CEP128: variants seen among roughly 807,000 people sequenced by gnomAD.
CEP128 encodes the protein centrosomal protein 128.
A neutral mutation model predicts 156.7 loss-of-function variants in CEP128; 132 were observed. The ratio of observed to expected loss-of-function variants is 0.84; its 90% CI spans 0.73 to 0.97. The LOEUF is 0.97. CEP128 is among the 50% of genes least tolerant of loss of function. The pLI, the probability that CEP128 is intolerant of heterozygous loss-of-function variation, is 0.00. For synonymous variants in CEP128, 469 were observed against 448.9 expected, an observed-to-expected ratio of 1.04 and a Z score of -0.57; for missense variants, 1,252 against 1,281.9, an observed-to-expected ratio of 0.98 and a Z score of 0.36.
At chr14:80,522,921 G>C (rs1485924274) in intron 23 of CEP128, among the ~76,000 whole-genome samples, 2 of 152,302 alleles carry the variant, frequency 1.3e-5, no homozygotes, top group East Asian at 3.9e-4. Flanking sequence ...AGTTAGCTTG[G>C]TCAACTTAAG....
At chr14:80,638,849 A>T (rs115347571) in intron 19 of CEP128, among the ~76,000 whole-genome samples, 172 of 152,264 alleles carry the variant, frequency 1.1e-3, no homozygotes, top group African/African-American at 4.1e-3. Context: ...TTTGATCAAG[A>T]CTCAGAATTT....
chr14:80,827,680 AAAC>A (rs1255958079), intron 13 of CEP128, among the ~76,000 whole-genome samples: 3 of 152,214 alleles, frequency 2.0e-5, no homozygotes, highest in Non-Finnish European at 4.4e-5. Context: ...AATTATGAAC[AAAC>A]AACCCTTAAG....
At chr14:80,694,933 A>C (rs1423595022) in intron 19 of CEP128, among the ~76,000 whole-genome samples, 1 of 151,582 alleles carries the variant, frequency 6.6e-6, no homozygotes, top group Non-Finnish European at 1.5e-5. Context: ...AAAAAAAAAA[A>C]CTTGTTTTCC....
intron 19 of CEP128, among the ~76,000 whole-genome samples, chr14:80,709,155 T>C (rs1233986755): frequency 6.6e-6 from 1 of 151,628 alleles, no homozygotes; most frequent in Non-Finnish European, 1.5e-5. Flanking sequence ...TGTTTTTTTT[T>C]TGAGACGGAG....
At chr14:80,779,317 CTTTAT>C (rs1229071136) in intron 15 of CEP128, among the ~76,000 whole-genome samples, 1 of 152,080 alleles carries the variant, frequency 6.6e-6, no homozygotes, top group Non-Finnish European at 1.5e-5. Context: ...TAGACAAAAT[CTTTAT>C]TTTATTTACC....
At chr14:80,614,248 A>G (rs1325250126) in intron 19 of CEP128, among the ~76,000 whole-genome samples, 1 of 152,196 alleles carries the variant, frequency 6.6e-6, no homozygotes, top group Admixed American at 6.5e-5. Flanking sequence ...TCACAGAATT[A>G]TATTACCATT....
Position 80,849,573 on chromosome 14 carries a change from T to C in CEP128, c.763-8805A>G, listed in dbSNP as rs185818534. Among the ~76,000 whole-genome samples the C allele has an allele frequency of 1.4e-3, 210 of 152,302 alleles. 1 individual carries two copies. Among genetic ancestry groups the C allele is most frequent in the Non-Finnish European group, 1.0e-4 (7 of 68,026 alleles). The stretch of plus-strand genomic sequence containing the variant: ...TGACCACAGTATGGACAAAGATATA[T>C]AAGAAATAACAGCTTTTCATTTTTT... On this transcript the variant is annotated intron_variant, in intron 9 of 24. Coordinates refer to ENST00000555265, the MANE Select transcript of CEP128 (RefSeq NM_152446.5).
upstream of CEP128, chr14:80,945,487 C>T (rs1886319371): frequency 6.6e-6 from 1 of 152,202 alleles, no homozygotes; most frequent in Non-Finnish European, 1.5e-5. Flanking sequence ...CACATCACCC[C>T]TTAAACTGGG....
chr14:80,516,124 T>C (rs1404177869), intron 23 of CEP128, among the ~76,000 whole-genome samples: 2 of 152,148 alleles, frequency 1.3e-5, no homozygotes, highest in Non-Finnish European at 2.9e-5. Flanking sequence ...CACCTCAGCC[T>C]CCCAAAGTGC....
At chr14:80,677,971 C>G (rs1029386692) in intron 19 of CEP128, among the ~76,000 whole-genome samples, 3 of 150,968 alleles carry the variant, frequency 2.0e-5, no homozygotes, top group Non-Finnish European at 2.9e-5. Context: ...TTCAGACTTT[C>G]TTGGCTTAAG....
chr14:80,626,235 C>G (rs1231094874), intron 19 of CEP128, among the ~76,000 whole-genome samples: 1 of 151,430 alleles, frequency 6.6e-6, no homozygotes, highest in Non-Finnish European at 1.5e-5. Context: ...GAGGCCGAGG[C>G]GGGTGGATCA....
At position 80,831,178 on chromosome 14, in the gene CEP128, C is replaced by CT; in HGVS notation, c.1173dup (p.Asp392ArgfsTer17). The CT allele has an allele frequency of 6.2e-7, 1 of 1,614,016 alleles. No homozygotes were observed. Among genetic ancestry groups the CT allele is most frequent in the South Asian group, 1.1e-5 (1 of 91,074 alleles). ...GATGCCAAATGTGCTTTCTCCTTGT[C>CT]TTTTCTCTCCATGCACCGTTTCACT... On this transcript the variant is annotated frameshift_variant, in exon 13 of 25. Transcript: ENST00000555265. LOFTEE classifies it high-confidence loss of function.
At chr14:80,897,616 C>CTTAGT (rs113277700) in intron 7 of CEP128, among the ~76,000 whole-genome samples, 10,617 of 152,096 alleles carry the variant, frequency 0.07, 404 homozygotes, top group Middle Eastern at 0.075. Context: ...TAGAGTCATC[C>CTTAGT]TTATTCTCCC....
chr14:80,514,627 CTG>C, intron 23 of CEP128: 1 of 348,396 alleles, frequency 2.9e-6, no homozygotes. Context: ...AATTCCTTCT[CTG>C]TGTTATCTTG....
chr14:80,678,047 A>ATAT (rs1555390193), intron 19 of CEP128, among the ~76,000 whole-genome samples: 9 of 68,518 alleles, frequency 1.3e-4, no homozygotes, highest in Admixed American at 6.8e-4. Flanking sequence ...CTATAAAAAA[A>ATAT]AAATATATAT....
intron 8 of CEP128, among the ~76,000 whole-genome samples, chr14:80,865,571 A>G (rs1214333571): frequency 6.6e-6 from 1 of 152,200 alleles, no homozygotes; most frequent in Non-Finnish European, 1.5e-5. Context: ...GCACTTGTGT[A>G]ATCCTCTACC....
chr14:80,854,758 T>C (rs1887063664), intron 9 of CEP128, among the ~76,000 whole-genome samples: 1 of 152,206 alleles, frequency 6.6e-6, no homozygotes, highest in Non-Finnish European at 1.5e-5. Flanking sequence ...GAAATAAACC[T>C]AGTTAAACAC....
At chr14:80,658,264 G>A (rs531980738) in intron 19 of CEP128, among the ~76,000 whole-genome samples, 2 of 152,318 alleles carry the variant, frequency 1.3e-5, no homozygotes, top group South Asian at 4.1e-4. Flanking sequence ...ATAGGGAGAG[G>A]AAATTGGTTT....
At chr14:80,774,490 C>T (rs1362734292) in intron 16 of CEP128, among the ~76,000 whole-genome samples, 1 of 152,204 alleles carries the variant, frequency 6.6e-6, no homozygotes, top group African/African-American at 2.4e-5. Context: ...GGCTACTAAT[C>T]ACTGGGTTTT....
Sources: allele counts gnomAD v4.1 joint callset (sites outside exome capture counted in the v4.1 genomes callset), GRCh38; gene constraint gnomAD v4.1.1; transcripts MANE v1.5; gene names NCBI Gene and HGNC (gene_info 2026-07-23, HGNC 2026-07-21).